The following VPS13B variants were observed in gnomAD, a reference collection of about 807,000 sequenced individuals.
VPS13B encodes intermembrane lipid transfer protein VPS13B.
A neutral mutation model predicts 426.4 loss-of-function variants in VPS13B; 285 were observed. The ratio of observed to expected loss-of-function variants is 0.67; its 90% confidence interval spans 0.61 to 0.74. The LOEUF (loss-of-function observed/expected upper bound fraction) is 0.74. Ranked by LOEUF, VPS13B falls within the 30% of genes least tolerant of loss-of-function variation. VPS13B has a pLI of 0.00. For synonymous variants in VPS13B, 1,676 were observed against 1,676.4 expected (o/e 1.00, Z 0.01); for missense variants, 4,537 against 4,782.6 (o/e 0.95, Z 1.51).
At chr8:99,132,918 C>A (rs2132549398) in intron 8 of VPS13B, among the ~76,000 whole-genome samples, 1 of 152,156 alleles carries the variant, frequency 6.6e-6, no homozygotes, top group East Asian at 1.9e-4. Flanking sequence ...TCATAGAGCA[C>A]AAGCAAAGTA....
At chr8:99,377,540 G>A (rs1813554941) in intron 19 of VPS13B, among the ~76,000 whole-genome samples, 1 of 152,058 alleles carries the variant, frequency 6.6e-6, no homozygotes, top group African/African-American at 2.4e-5. Flanking sequence ...TCTACTTGTT[G>A]CTGATGCTTT....
intron 33 of VPS13B, among the ~76,000 whole-genome samples, chr8:99,580,984 AAC>A (rs34074519): frequency 0.032 from 4,085 of 126,600 alleles, 56 homozygotes; most frequent in East Asian, 0.053. Flanking sequence ...ATCTCTACAA[AAC>A]ACACACACAC....
intron 35 of VPS13B, among the ~76,000 whole-genome samples, chr8:99,689,058 A>C (rs1462779067): frequency 6.6e-6 from 1 of 152,072 alleles, no homozygotes; most frequent in Non-Finnish European, 1.5e-5. Flanking sequence ...AGGTGTGGTT[A>C]CATTTTTGGT....
At chr8:99,498,351 G>A (rs1821043392) in intron 25 of VPS13B, among the ~76,000 whole-genome samples, 1 of 151,900 alleles carries the variant, frequency 6.6e-6, no homozygotes, top group African/African-American at 2.4e-5. Flanking sequence ...TGAATATAGA[G>A]AACTTACTGT....
intron 25 of VPS13B, among the ~76,000 whole-genome samples, chr8:99,491,777 G>C (rs995043564): frequency 7.9e-5 from 12 of 152,090 alleles, no homozygotes; most frequent in Non-Finnish European, 1.5e-4. Flanking sequence ...CATTTTTCAA[G>C]GTTTTTAGCT....
At chr8:99,147,190 C>A (rs978385676) in intron 13 of VPS13B, among the ~76,000 whole-genome samples, 3 of 150,570 alleles carry the variant, frequency 2.0e-5, no homozygotes, top group African/African-American at 7.3e-5. Flanking sequence ...CGGCTCACTG[C>A]AACCTCTGTC....
intron 26 of VPS13B, among the ~76,000 whole-genome samples, chr8:99,502,522 A>T (rs915196443): frequency 6.6e-6 from 1 of 152,182 alleles, no homozygotes; most frequent in Non-Finnish European, 1.5e-5. Flanking sequence ...AAATTCATCT[A>T]AAAGACCATG....
chr8:99,760,918 G>T (rs1331368581), intron 39 of VPS13B, among the ~76,000 whole-genome samples: 2 of 152,122 alleles, frequency 1.3e-5, no homozygotes, highest in Non-Finnish European at 2.9e-5. Flanking sequence ...TATATGGGAG[G>T]ATGTGCATAG....
intron 61 of VPS13B, 134 bp downstream of exon 61, chr8:99,871,831 CA>C: frequency 6.6e-7 from 1 of 1,520,088 alleles, no homozygotes; most frequent in Non-Finnish European, 9.0e-7. Flanking sequence ...AGCTGCTACC[CA>C]GAGGAGGAAG....
At chr8:99,775,966 G>A (rs1419189973) in intron 40 of VPS13B, among the ~76,000 whole-genome samples, 1 of 152,148 alleles carries the variant, frequency 6.6e-6, no homozygotes, top group African/African-American at 2.4e-5. Flanking sequence ...AGTGAAGAGA[G>A]GACCCATGCA....
intron 13 of VPS13B, among the ~76,000 whole-genome samples, chr8:99,145,732 T>A (rs569960981): frequency 3.9e-5 from 6 of 152,350 alleles, no homozygotes; most frequent in Admixed American, 1.3e-4. Flanking sequence ...GGAAGAATAT[T>A]TGGGATTATT....
In VPS13B at chr8:99,817,582, C is replaced by A; in HGVS notation, c.8140C>A (p.Gln2714Lys). The change falls in exon 45 of 62, where the codon CAA becomes AAA. Residue 2714 changes from glutamine (Q) to lysine (K), a missense_variant. Gln to Lys is a moderately conservative substitution (Grantham distance 53). Coordinates refer to ENST00000357162, the MANE Select transcript of VPS13B (RefSeq NM_152564.5). ...GRQIICSYLSQSIELKVVQHY... is the reference protein window; with the variant it reads ...GRQIICSYLSKSIELKVVQHY... ...ACAGATCATCTGTAGTTACTTGTCT[C>A]AAAGCATAGAACTAAAAGTCGTTCA... is the stretch of plus-strand genomic sequence containing the variant. 1 of 1,614,024 alleles carries A rather than the reference C, an allele frequency of 6.2e-7. No homozygotes were observed. The highest frequency in any genetic ancestry group is 8.5e-7 in the Non-Finnish European group (1 of 1,179,976).
At chr8:99,382,533 C>G (rs1813872130) in intron 19 of VPS13B, among the ~76,000 whole-genome samples, 2 of 152,056 alleles carry the variant, frequency 1.3e-5, no homozygotes, top group Non-Finnish European at 2.9e-5. Context: ...GGATCTTTCA[C>G]CTCCCTGGTT....
chr8:99,406,379 C>T (rs1048874044), intron 21 of VPS13B, among the ~76,000 whole-genome samples: 2 of 151,996 alleles, frequency 1.3e-5, no homozygotes, highest in Non-Finnish European at 2.9e-5. Flanking sequence ...CTTTTTGTTT[C>T]TCGTTATTTT....
At chr8:99,615,898 A>G (rs1299668644) in intron 33 of VPS13B, among the ~76,000 whole-genome samples, 1 of 152,160 alleles carries the variant, frequency 6.6e-6, no homozygotes, top group Admixed American at 6.5e-5. Context: ...TTTTTATGCG[A>G]TGCTAGTATA....
chr8:99,588,762 G>T (rs1826440484), intron 33 of VPS13B, among the ~76,000 whole-genome samples: 1 of 151,708 alleles, frequency 6.6e-6, no homozygotes, highest in Admixed American at 6.6e-5. Context: ...TCTGCAAACA[G>T]GGACAATTTG....
intron 33 of VPS13B, among the ~76,000 whole-genome samples, chr8:99,588,413 T>C (rs1238738543): frequency 6.6e-6 from 1 of 151,808 alleles, no homozygotes; most frequent in African/African-American, 2.4e-5. Flanking sequence ...TTGGACAGTA[T>C]GGCCATTTTC....
intron 16 of VPS13B, among the ~76,000 whole-genome samples, chr8:99,188,322 AATAAT>A (rs553903687): frequency 1.0e-3 from 155 of 152,278 alleles, no homozygotes; most frequent in African/African-American, 3.6e-3. Flanking sequence ...ATAATAACAG[AATAAT>A]ATAATATGTG....
chr8:99,754,208 A>C (rs1374681343), intron 39 of VPS13B, among the ~76,000 whole-genome samples: 1 of 151,974 alleles, frequency 6.6e-6, no homozygotes, highest in Non-Finnish European at 1.5e-5. Flanking sequence ...TTATAAGCTA[A>C]AACTTTTGAG....
Sources: allele counts gnomAD v4.1 joint callset (sites outside exome capture counted in the v4.1 genomes callset), GRCh38; gene constraint gnomAD v4.1.1; transcripts MANE v1.5; gene names NCBI Gene and HGNC (gene_info 2026-07-23, HGNC 2026-07-21).